VPS50: variants seen among roughly 807,000 people sequenced by gnomAD.
The protein encoded by VPS50 is VPS50 subunit of EARP/GARPII complex, also known as syndetin.
Under a neutral mutation model 139.7 loss-of-function variants are expected in VPS50, and 70 were observed. That is an observed-to-expected ratio of 0.50 (90% CI 0.41 to 0.61). VPS50 has a LOEUF of 0.61. VPS50 is among the 20% of genes least tolerant of loss of function. VPS50 has a pLI of 0.00. For missense variants in VPS50, 921 were observed against 1,133.7 expected, an observed-to-expected ratio of 0.81 and a Z score of 2.69; for synonymous variants, 365 against 376.7, an observed-to-expected ratio of 0.97 and a Z score of 0.36.
chr7:93,250,380 G>C (rs1348144750), intron 2 of VPS50, among the ~76,000 whole-genome samples: 1 of 151,974 alleles, frequency 6.6e-6, no homozygotes, highest in Non-Finnish European at 1.5e-5. Context: ...AAATAATCTA[G>C]AATGTCTCTA....
rs1562844927 is a variant in VPS50 at position 93,240,267 on chromosome 7, TC to T, written c.102+334del. Among the ~76,000 whole-genome samples the T allele has an allele frequency of 1.3e-3, 188 of 139,454 alleles. 1 individual carries two copies. The highest frequency in any genetic ancestry group is 0.013 in the East Asian group (68 of 5,098). The allele number at this position is 139,454 out of a possible 152,430, so 91.5% of individuals were successfully genotyped here. On this transcript the variant is annotated intron_variant, in intron 2 of 27. Transcript: ENST00000305866. ...CACACACACTCTCTCTCTCTCTCTC[TC>T]TCATTGATTTATCTGCTGTAATTTG...
At position 93,308,875 on chromosome 7, in the gene VPS50, A is replaced by C; in HGVS notation, c.1681A>C (p.Ser561Arg). The change falls in exon 19 of 28, where the codon AGT (serine) becomes CGT (arginine). Residue 561 changes from serine to arginine, a missense_variant. Transcript: ENST00000305866. Reference protein sequence around the residue: ...KSAYQEYDSDSDVPEELKRDY... With the variant: ...KSAYQEYDSDRDVPEELKRDY... ...TGCCTATCAAGAGTATGACAGTGACAGTGATGTTCCTGAGGAACTCAAACG... is the reference window on the plus strand; with the variant it reads ...TGCCTATCAAGAGTATGACAGTGACCGTGATGTTCCTGAGGAACTCAAACG... 1.2e-6 allele frequency: 2 copies of C among 1,609,014 alleles called. No individual in the cohort carries two copies. The highest frequency in any genetic ancestry group is 4.5e-5 in the East Asian group (2 of 44,778).
At chr7:93,282,182 G>C (rs1796350125) in intron 12 of VPS50, among the ~76,000 whole-genome samples, 1 of 151,346 alleles carries the variant, frequency 6.6e-6, no homozygotes, top group African/African-American at 2.4e-5. Context: ...CCAGCCTGGG[G>C]GACAGAGCCA....
At chr7:93,303,221 A>G (rs1165282819) in intron 16 of VPS50, among the ~76,000 whole-genome samples, 1 of 151,966 alleles carries the variant, frequency 6.6e-6, no homozygotes, top group African/African-American at 2.4e-5. Flanking sequence ...CTTTTGCAAT[A>G]TAGTAAAAAT....
intron 22 of VPS50, among the ~76,000 whole-genome samples, chr7:93,339,053 C>G (rs1215898993): frequency 6.6e-6 from 1 of 152,008 alleles, no homozygotes; most frequent in Non-Finnish European, 1.5e-5. Flanking sequence ...TGTTTCTTAT[C>G]AATAACTACC....
intron 14 of VPS50, among the ~76,000 whole-genome samples, chr7:93,296,455 T>C (rs1796812981): frequency 6.6e-6 from 1 of 152,176 alleles, no homozygotes; most frequent in Non-Finnish European, 1.5e-5. Context: ...TTTTACAATC[T>C]ATGATAGAAT....
chr7:93,353,097 A>T (rs571825626), intron 25 of VPS50, among the ~76,000 whole-genome samples: 1 of 152,146 alleles, frequency 6.6e-6, no homozygotes, highest in Non-Finnish European at 1.5e-5. Flanking sequence ...AAAAATCCAG[A>T]GTCCAAAAAT....
At chr7:93,293,843 G>C (rs1796720006) in intron 13 of VPS50, among the ~76,000 whole-genome samples, 1 of 152,154 alleles carries the variant, frequency 6.6e-6, no homozygotes, top group Non-Finnish European at 1.5e-5. Context: ...ATGCATCTGT[G>C]TATCTGAGGC....
intron 2 of VPS50, among the ~76,000 whole-genome samples, chr7:93,243,720 A>G (rs1482363447): frequency 6.6e-6 from 1 of 151,960 alleles, no homozygotes; most frequent in Non-Finnish European, 1.5e-5. Flanking sequence ...AGTATTTGTT[A>G]TAATATATGA....
intron 22 of VPS50, among the ~76,000 whole-genome samples, chr7:93,335,408 C>G (rs376595748): frequency 1.3e-5 from 2 of 152,164 alleles, no homozygotes; most frequent in South Asian, 2.1e-4. Flanking sequence ...TACCTTGGCA[C>G]ATAACATTGC....
At chr7:93,235,697 A>C (rs543784462) in intron 1 of VPS50, among the ~76,000 whole-genome samples, 1 of 152,332 alleles carries the variant, frequency 6.6e-6, no homozygotes, top group South Asian at 2.1e-4. Context: ...CCTCGGATGG[A>C]TAAAACTGAG....
chr7:93,353,392 A>G (rs893485994), intron 25 of VPS50, among the ~76,000 whole-genome samples: 10 of 152,210 alleles, frequency 6.6e-5, no homozygotes, highest in Admixed American at 1.3e-4. Flanking sequence ...TTAATCAGTT[A>G]ATGACACTTA....
intron 19 of VPS50, among the ~76,000 whole-genome samples, chr7:93,310,182 T>C (rs1384101710): frequency 6.6e-6 from 1 of 152,030 alleles, no homozygotes. Flanking sequence ...CCAGTACATG[T>C]GTATATACCT....
intron 1 of VPS50, among the ~76,000 whole-genome samples, chr7:93,238,562 A>G (rs952172106): frequency 9.2e-5 from 14 of 152,140 alleles, no homozygotes; most frequent in Non-Finnish European, 1.8e-4. Flanking sequence ...AAACTTTACT[A>G]CTTTGGCTGA....
intron 21 of VPS50, among the ~76,000 whole-genome samples, chr7:93,325,854 G>C (rs1295102560): frequency 5.2e-4 from 79 of 151,354 alleles, no homozygotes; most frequent in African/African-American, 1.8e-3. Flanking sequence ...TGGTGGGACT[G>C]TAAACTAGTT....
rs138874242 is a variant in VPS50, at chr7:93,264,965, C to T, written c.659+5333C>T. Among the ~76,000 whole-genome samples the T allele has an allele frequency of 5.6e-3, 859 of 152,208 alleles. 6 individuals carry two copies. The highest frequency in any genetic ancestry group is 0.02 in the African/African-American group (827 of 41,544). ...ATCTTCTATTTTAACTTGTTTTTCT[C>T]TGCCTCCCTCTGCCATGCTGTGCTG... is the stretch of plus-strand genomic sequence containing the variant. On this transcript the variant is annotated intron_variant, in intron 9 of 27. Transcript: ENST00000305866.
intron 12 of VPS50, among the ~76,000 whole-genome samples, chr7:93,288,870 C>T (rs1562870470): frequency 6.6e-6 from 1 of 152,030 alleles, no homozygotes; most frequent in Non-Finnish European, 1.5e-5. Flanking sequence ...ACGTGAAACC[C>T]ATTTGTGTTT....
intron 20 of VPS50, among the ~76,000 whole-genome samples, chr7:93,315,322 TAA>T (rs1349823546): frequency 2.0e-5 from 3 of 152,212 alleles, no homozygotes; most frequent in Non-Finnish European, 4.4e-5. Flanking sequence ...ACATATAGGT[TAA>T]GTCATTTCAT....
rs557529753 is a variant in VPS50, at chr7:93,357,876, C to T, written c.2776-441C>T. Among the ~76,000 whole-genome samples the T allele has an allele frequency of 4.6e-5, 7 of 151,972 alleles. No homozygotes were observed. The South Asian group carries it at 1.0e-3, about 23-fold the overall frequency. ...GTTGTATCTTAGAAGAGTTGTTCTTCTGTTGTTGGAGATTTTTTTTTTAAC... is the reference window on the plus strand; with the variant it reads ...GTTGTATCTTAGAAGAGTTGTTCTTTTGTTGTTGGAGATTTTTTTTTTAAC... On this transcript the variant is annotated intron_variant, in intron 27 of 27. Transcript: ENST00000305866.
Sources: gnomAD v4.1 joint callset for allele counts (sites outside exome capture counted in the v4.1 genomes callset) on GRCh38, gnomAD v4.1.1 for gene constraint, MANE v1.5 for transcripts, NCBI Gene and HGNC (gene_info 2026-07-23, HGNC 2026-07-21) for gene names.